SNORC: variants seen among roughly 807,000 people sequenced by gnomAD.
SNORC encodes protein SNORC.
A neutral mutation model predicts 9.7 loss-of-function variants in SNORC; 11 were observed. The observed-to-expected ratio is 1.14, with a 90% CI of 0.72 to 1.88. SNORC has a LOEUF of 1.88. Ranked by LOEUF, SNORC falls within the 40% of genes most tolerant of loss-of-function variation. The probability of loss-of-function intolerance (pLI) is 0.00; values close to 1 mark genes in which losing one functional copy is unlikely to be tolerated. For missense variants in SNORC, 197 were observed against 173.1 expected (o/e 1.14, Z -0.77); for synonymous variants, 108 against 88.7 (o/e 1.22, Z -1.22).
upstream of SNORC, among the ~76,000 whole-genome samples, chr2:232,870,032 A>G (rs574117637): frequency 6.6e-6 from 1 of 152,236 alleles, no homozygotes; most frequent in African/African-American, 2.4e-5. Context: ...TCCAGGAGTA[A>G]ATGTGGGAGG....
chr2:232,870,543 T>A, intron 1 of SNORC, 129 bp downstream of exon 1: 2 of 911,932 alleles, frequency 2.2e-6, no homozygotes, highest in Non-Finnish European at 3.3e-6. Flanking sequence ...CTATTTGGGG[T>A]GATTCTGCGA....
intron 1 of SNORC, among the ~76,000 whole-genome samples, chr2:232,875,079 C>A (rs998027678): frequency 6.6e-6 from 1 of 152,196 alleles, no homozygotes; most frequent in Non-Finnish European, 1.5e-5. Context: ...GTGGCTCACA[C>A]CTGTAATCGC....
intron 1 of SNORC, among the ~76,000 whole-genome samples, chr2:232,871,450 C>T (rs760890646): frequency 6.6e-6 from 1 of 152,216 alleles, no homozygotes; most frequent in South Asian, 2.1e-4. Context: ...GACACAGCCA[C>T]GCTCTGCCTC....
At chr2:232,874,659 G>A (rs1469372248) in intron 1 of SNORC, among the ~76,000 whole-genome samples, 1 of 152,236 alleles carries the variant, frequency 6.6e-6, no homozygotes, top group East Asian at 1.9e-4. Flanking sequence ...GCCTCTCTGG[G>A]TGCTGGTGAA....
downstream of SNORC, chr2:232,876,868 C>T: frequency 8.1e-6 from 8 of 985,574 alleles, no homozygotes; most frequent in Non-Finnish European, 8.4e-6. This position sits in a 1 kb window ranked among gnomAD's most constrained non-coding sequence, Gnocchi z 6.8. Context: ...TCGCCGCGCT[C>T]CCCGGGGCCT....
At chr2:232,867,651 C>T (rs73009308), upstream of SNORC, among the ~76,000 whole-genome samples, 13,651 of 152,292 alleles carry the variant, frequency 0.09, 891 homozygotes, top group Non-Finnish European at 0.14. Context: ...CCTTGGCTCA[C>T]GCCTGCCTCG....
intron 1 of SNORC, among the ~76,000 whole-genome samples, chr2:232,873,000 G>A (rs1210066437): frequency 6.6e-6 from 1 of 152,200 alleles, no homozygotes; most frequent in African/African-American, 2.4e-5. Context: ...GTGGCTCCTG[G>A]GGCCCTGGCC....
chr2:232,876,727 G>C, downstream of SNORC: 3 of 986,822 alleles, frequency 3.0e-6, no homozygotes, highest in Non-Finnish European at 3.6e-6. This position sits in a 1 kb window ranked among gnomAD's most constrained non-coding sequence, Gnocchi z 6.8. Flanking sequence ...CGCCGGGGCC[G>C]CCAGGGCATC....
At chr2:232,870,134 A>G (rs1184278111), upstream of SNORC, 1 of 577,088 alleles carries the variant, frequency 1.7e-6, no homozygotes, top group African/African-American at 2.2e-5. Context: ...GGTTCAGGAA[A>G]GCAGGTCTGT....
chr2:232,870,169 TTGG>T (rs1461788921), upstream of SNORC: 3 of 630,336 alleles, frequency 4.8e-6, no homozygotes, highest in African/African-American at 5.8e-5. Flanking sequence ...TGTGTGTGTG[TTGG>T]TGGGGGGAGC....
downstream of SNORC, chr2:232,877,351 T>G: frequency 2.0e-6 from 2 of 985,404 alleles, no homozygotes; most frequent in Non-Finnish European, 2.4e-6. Flanking sequence ...CGGAAGCATT[T>G]AGAGATGTAA....
At chr2:232,875,908 TG>T in intron 1 of SNORC, 31 bp from the exon 2 acceptor site, 1 of 1,524,454 alleles carries the variant, frequency 6.6e-7, no homozygotes. Context: ...CCCCGTCACC[TG>T]GGGCCCCAGC....
At chr2:232,877,925 A>G (rs1470435152), downstream of SNORC, 1 of 152,296 alleles carries the variant, frequency 6.6e-6, no homozygotes. Flanking sequence ...ACGGGGACCA[A>G]TGGCCACCCA....
rs1559179939 is a variant in SNORC at position 232,870,416 on chromosome 2, T to TAAG, written c.73+4_73+6dup. 6.4e-7 allele frequency: 1 copy of TAAG among 1,566,918 alleles called. No homozygotes were observed. The highest frequency in any genetic ancestry group is 8.7e-7 in the Non-Finnish European group (1 of 1,155,746). The stretch of plus-strand genomic sequence containing the variant: ...TTCTGGCCCCTGCGGTGCTCACAGG[T>TAAG]AAGAGGTGAAGGCCCTTGTCTCAGC... On this transcript the variant is annotated splice_region_variant and intron_variant, in intron 1 of 2. Transcript: ENST00000331342.
upstream of SNORC, chr2:232,868,922 A>C (rs1454593693): frequency 6.6e-6 from 1 of 152,212 alleles, no homozygotes; most frequent in African/African-American, 2.4e-5. Flanking sequence ...TGTTTCTATT[A>C]ATATAAATTA....
downstream of SNORC, chr2:232,877,144 C>T (rs923250883): frequency 4.9e-4 from 479 of 985,494 alleles, no homozygotes; most frequent in Non-Finnish European, 5.5e-4. Context: ...CAGGATGAGT[C>T]GAGAGTCGAC....
intron 1 of SNORC, among the ~76,000 whole-genome samples, chr2:232,872,611 G>A (rs1691070810): frequency 1.3e-5 from 2 of 152,110 alleles, no homozygotes; most frequent in African/African-American, 4.8e-5. Flanking sequence ...GGGGTCCTCC[G>A]TGCCCCCACC....
intron 1 of SNORC, among the ~76,000 whole-genome samples, chr2:232,870,842 G>A (rs1382780172): frequency 2.0e-5 from 3 of 152,184 alleles, no homozygotes; most frequent in Non-Finnish European, 2.9e-5. Context: ...TTTCTGCGAC[G>A]TCCTTAGAGA....
downstream of SNORC, chr2:232,877,037 T>G (rs1455859649): frequency 2.2e-5 from 22 of 985,460 alleles, no homozygotes; most frequent in Non-Finnish European, 2.7e-5. Flanking sequence ...CGCGTGGTTT[T>G]GGGGGACGTC....
Sources: gnomAD v4.1 joint callset for allele counts (sites outside exome capture counted in the v4.1 genomes callset) on GRCh38, gnomAD v4.1.1 for gene constraint, Gnocchi (gnomAD v3.1) non-coding constraint, MANE v1.5 for transcripts, NCBI Gene and HGNC (gene_info 2026-07-23, HGNC 2026-07-21) for gene names.